Variants in CDC42EP4 observed in about 807,000 individuals in gnomAD.
CDC42EP4 encodes CDC42 effector protein 4.
Under a neutral mutation model 5.6 loss-of-function variants are expected in CDC42EP4, and 6 were observed. The ratio of observed to expected loss-of-function variants is 1.07; its 90% CI spans 0.59 to 2.12. The LOEUF (loss-of-function observed/expected upper bound fraction) is 2.12. Among genes scored for constraint, CDC42EP4 ranks in the 30% most tolerant of loss-of-function variants. The probability of loss-of-function intolerance (pLI) is 0.00; values close to 1 mark genes in which losing one functional copy is unlikely to be tolerated. For synonymous variants in CDC42EP4, 230 were observed against 224.2 expected, an observed-to-expected ratio of 1.03 and a Z score of -0.23; for missense variants, 490 against 508.6, an observed-to-expected ratio of 0.96 and a Z score of 0.35.
chr17:73,298,789 C>T (rs1363083798), intron 1 of CDC42EP4, among the ~76,000 whole-genome samples: 1 of 152,202 alleles, frequency 6.6e-6, no homozygotes, highest in Non-Finnish European at 1.5e-5. Flanking sequence ...CAACAGTTCT[C>T]ATTCACTGGG....
intron 1 of CDC42EP4, among the ~76,000 whole-genome samples, chr17:73,298,940 T>C (rs2062202527): frequency 6.6e-6 from 1 of 151,956 alleles, no homozygotes; most frequent in Admixed American, 6.6e-5. Context: ...TGAATTATTT[T>C]ACTCACTCTC....
chr17:73,285,175 A>T lies in CDC42EP4; in HGVS notation c.*255T>A, dbSNP rs1053942871. 16 of 350,684 alleles carry T rather than the reference A, an allele frequency of 4.6e-5. No individual in the cohort carries two copies. The Admixed American group carries it at 6.8e-4, about 15-fold the overall frequency. 21.7% of individuals were successfully genotyped at this position (350,684 alleles called of 1,614,324 possible). Reference sequence around the variant, plus strand: ...AGGAAAACCTATTCCTGCTGTGACAACACAGCCCTTGTCCCACGCAGCCTA... The same window carrying T: ...AGGAAAACCTATTCCTGCTGTGACATCACAGCCCTTGTCCCACGCAGCCTA... On this transcript the variant is annotated 3_prime_UTR_variant, in exon 2 of 2. Coordinates refer to ENST00000335793, the MANE Select transcript of CDC42EP4 (RefSeq NM_012121.5). This position sits in a 1 kb window ranked among gnomAD's most constrained non-coding sequence, Gnocchi z 6.8.
At position 73,297,001 on chromosome 17, in the gene CDC42EP4, A is replaced by AAAAAAAAAACAAAAAAAAAAACAC. The variant is rs547362762; in HGVS notation, c.-112-10390_-112-10389insGTGTTTTTTTTTTTGTTTTTTTTT. ...GTCTCAAAAAAAAAAAAAAAAAAAA[A>AAAAAAAAAACAAAAAAAAAAACAC]AAATACACAAGGCCAAGCGCCGTGG... On this transcript the variant is annotated intron_variant, in intron 1 of 1. Transcript: ENST00000335793. 3.2e-5 allele frequency among the ~76,000 whole-genome samples: 2 copies of AAAAAAAAAACAAAAAAAAAAACAC among 61,734 alleles called. 1 individual carries two copies. Among genetic ancestry groups the AAAAAAAAAACAAAAAAAAAAACAC allele is most frequent in the Non-Finnish European group, 6.7e-5 (2 of 30,036 alleles). 40.5% of individuals were successfully genotyped at this position (61,734 alleles called of 152,430 possible).
intron 1 of CDC42EP4, among the ~76,000 whole-genome samples, chr17:73,290,863 G>C (rs1187536214): frequency 6.6e-6 from 1 of 152,136 alleles, no homozygotes; most frequent in Non-Finnish European, 1.5e-5. Context: ...CATTAGAGAG[G>C]AAAGAAAGGG....
chr17:73,299,444 T>TACACACACACAC (rs71154990), intron 1 of CDC42EP4, among the ~76,000 whole-genome samples: 320 of 127,966 alleles, frequency 2.5e-3, no homozygotes, highest in African/African-American at 9.0e-3. Context: ...AAAAAAAAAA[T>TACACACACACAC]ACACACACAC....
At chr17:73,297,384 G>C (rs1302244578) in intron 1 of CDC42EP4, among the ~76,000 whole-genome samples, 1 of 151,780 alleles carries the variant, frequency 6.6e-6, no homozygotes, top group African/African-American at 2.4e-5. Context: ...TGAGGCAGGA[G>C]AATCTCTTGA....
At chr17:73,304,525 A>G (rs1239852519) in intron 1 of CDC42EP4, among the ~76,000 whole-genome samples, 1 of 151,942 alleles carries the variant, frequency 6.6e-6, no homozygotes, top group African/African-American at 2.4e-5. Context: ...CAGCTCACAG[A>G]TAAGAGCACC....
chr17:73,291,943 C>T (rs560945774), intron 1 of CDC42EP4, among the ~76,000 whole-genome samples: 2 of 152,306 alleles, frequency 1.3e-5, no homozygotes, highest in East Asian at 3.9e-4. Context: ...GAAGACCACC[C>T]TTGCCTGGAC....
At position 73,301,641 on chromosome 17, in the gene CDC42EP4, G is replaced by A. The variant is rs182223896; in HGVS notation, c.-113+10252C>T. Among the ~76,000 whole-genome samples, 112 of 152,112 alleles carry A rather than the reference G, an allele frequency of 7.4e-4. 1 individual carries two copies. Among genetic ancestry groups the A allele is most frequent in the African/African-American group, 2.7e-3 (111 of 41,490 alleles). On this transcript the variant is annotated intron_variant, in intron 1 of 1. Coordinates refer to ENST00000335793, the MANE Select transcript of CDC42EP4 (RefSeq NM_012121.5). ...AGCTCACTGCAACCTTCCACTCCTG[G>A]GTTCAAGCAATTCTTGTGCTTCAGC...
intron 1 of CDC42EP4, among the ~76,000 whole-genome samples, chr17:73,290,567 G>A: frequency 6.6e-6 from 1 of 152,202 alleles, no homozygotes; most frequent in East Asian, 1.9e-4. Context: ...GTCACAACAA[G>A]CAAAACTGTC....
chr17:73,304,743 A>G (rs762646398), intron 1 of CDC42EP4, among the ~76,000 whole-genome samples: 2 of 152,154 alleles, frequency 1.3e-5, no homozygotes, highest in Admixed American at 6.6e-5. Context: ...CTCTGGATGC[A>G]TGAGTACACA....
intron 1 of CDC42EP4, among the ~76,000 whole-genome samples, chr17:73,307,609 A>G (rs1335996794): frequency 1.3e-5 from 2 of 151,646 alleles, no homozygotes; most frequent in Admixed American, 1.3e-4. Context: ...CACCAAGCCT[A>G]GCTAATTTTT....
In CDC42EP4 at chr17:73,285,739, CG is replaced by C. The variant is rs1568339416; in HGVS notation, c.761del (p.Pro254ArgfsTer128). 1.3e-6 allele frequency: 2 copies of C among 1,586,412 alleles called. No homozygotes were observed. The highest frequency in any genetic ancestry group is 2.7e-5 in the African/African-American group (2 of 74,634). On this transcript the variant is annotated frameshift_variant, in exon 2 of 2. Transcript: ENST00000335793. LOFTEE classifies it high-confidence loss of function. This position sits in a 1 kb window ranked among gnomAD's most constrained non-coding sequence, Gnocchi z 6.8. ...CCAGGGGAGGGGCCGCCACGGCGTA[CG>C]GGGGAGCCTGGGTGATGGTGCCAGC... is the stretch of plus-strand genomic sequence containing the variant. Reference protein sequence around the residue: ...GAAGTITQAPPYAVAAPPLAR... With the variant: ...GAAGTITQAPXYAVAAPPLAR...
At chr17:73,293,526 G>A (rs2062171319) in intron 1 of CDC42EP4, among the ~76,000 whole-genome samples, 1 of 152,178 alleles carries the variant, frequency 6.6e-6, no homozygotes, top group Admixed American at 6.5e-5. Flanking sequence ...GCAGGCCACG[G>A]CCCCTTCTCA....
chr17:73,299,480 T>C (rs950984345), intron 1 of CDC42EP4, among the ~76,000 whole-genome samples: 75 of 145,344 alleles, frequency 5.2e-4, no homozygotes, highest in African/African-American at 1.9e-3. Flanking sequence ...CACACACACA[T>C]TTTTAGTAGA....
At chr17:73,292,801 T>C (rs1465106526) in intron 1 of CDC42EP4, among the ~76,000 whole-genome samples, 1 of 152,224 alleles carries the variant, frequency 6.6e-6, no homozygotes, top group Non-Finnish European at 1.5e-5. Context: ...CCAGGTTACA[T>C]AGAGCCCTCC....
intron 1 of CDC42EP4, among the ~76,000 whole-genome samples, chr17:73,297,295 CAAAA>C (rs771033180): frequency 2.0e-5 from 2 of 101,182 alleles, no homozygotes; most frequent in African/African-American, 8.1e-5. Flanking sequence ...ACTTCGTCTC[CAAAA>C]AAAAAAAAAA....
At chr17:73,292,742 C>A (rs1388287156) in intron 1 of CDC42EP4, among the ~76,000 whole-genome samples, 4 of 152,208 alleles carry the variant, frequency 2.6e-5, no homozygotes. Context: ...GGTATAGGAA[C>A]AGGCTTGTGG....
In CDC42EP4 at chr17:73,285,728, G is replaced by A. The variant is rs143829711; in HGVS notation, c.773C>T (p.Ala258Val). ...TTCCTGCCTTGCCAGGGGAGGGGCC[G>A]CCACGGCGTACGGGGGAGCCTGGGT... is the stretch of plus-strand genomic sequence containing the variant. ...TITQAPPYAV[A>V]APPLARQEGK... The change falls in exon 2 of 2, where the codon GCG (alanine) becomes GTG (valine). Residue 258 changes from alanine to valine, a missense_variant. By Grantham distance (64) the Ala-to-Val change is moderately conservative. Transcript: ENST00000335793. The surrounding 1 kb of genome is among the most constrained non-coding windows in gnomAD (Gnocchi z 6.8). 52 of 1,576,656 alleles carry A rather than the reference G, an allele frequency of 3.3e-5. No homozygotes were observed. Among genetic ancestry groups the A allele is most frequent in the Non-Finnish European group, 3.9e-5 (45 of 1,155,514 alleles).
Sources: allele counts gnomAD v4.1 joint callset (sites outside exome capture counted in the v4.1 genomes callset), GRCh38; gene constraint gnomAD v4.1.1; non-coding constraint Gnocchi (gnomAD v3.1); transcripts MANE v1.5; gene names NCBI Gene and HGNC (gene_info 2026-07-23, HGNC 2026-07-21).